The following FBXO31 variants were observed in gnomAD, a reference collection of about 807,000 sequenced individuals.
FBXO31 encodes the protein F-box only protein 31.
Under a neutral mutation model 54.4 loss-of-function variants are expected in FBXO31, and 24 were observed. That is an observed-to-expected ratio of 0.44 (90% CI 0.32 to 0.62). The LOEUF is 0.62. Among genes scored for constraint, FBXO31 ranks in the 20% least tolerant of loss-of-function variants. The probability of loss-of-function intolerance (pLI) is 0.05; values close to 1 mark genes in which losing one functional copy is unlikely to be tolerated. For synonymous variants in FBXO31, 388 were observed against 335.6 expected, an observed-to-expected ratio of 1.16 and a Z score of -1.71; for missense variants, 665 against 787.1, an observed-to-expected ratio of 0.84 and a Z score of 1.86.
At chr16:87,375,223 C>T (rs1906771986) in intron 1 of FBXO31, among the ~76,000 whole-genome samples, 1 of 152,150 alleles carries the variant, frequency 6.6e-6, no homozygotes, top group Non-Finnish European at 1.5e-5. Flanking sequence ...AGGAGAATGG[C>T]GTGAACCCGG....
chr16:87,374,591 C>T (rs1906743446), intron 1 of FBXO31, among the ~76,000 whole-genome samples: 1 of 152,282 alleles, frequency 6.6e-6, no homozygotes, highest in South Asian at 2.1e-4. Context: ...AATTTAGACC[C>T]ACCTTAGGCT....
chr16:87,389,715 T>A (rs1393957765), intron 1 of FBXO31: 1 of 152,182 alleles, frequency 6.6e-6, no homozygotes, highest in Non-Finnish European at 1.5e-5. Flanking sequence ...TGGCAGAAGG[T>A]AGGTACATAA....
chr16:87,377,628 C>A (rs1906881178), intron 1 of FBXO31, among the ~76,000 whole-genome samples: 1 of 151,996 alleles, frequency 6.6e-6, no homozygotes, highest in Non-Finnish European at 1.5e-5. Context: ...GAGTTCAAGA[C>A]CAGCGGGGGC....
chr16:87,352,909 C>T (rs1905727629), intron 2 of FBXO31, among the ~76,000 whole-genome samples: 1 of 152,202 alleles, frequency 6.6e-6, no homozygotes, highest in African/African-American at 2.4e-5. Context: ...TGGTGCACAC[C>T]CATCCTGACT....
At position 87,329,738 on chromosome 16, in the gene FBXO31, A is replaced by T. The variant is rs375675450; in HGVS notation, c.*1550T>A. On this transcript the variant is annotated 3_prime_UTR_variant, in exon 9 of 9. Transcript: ENST00000311635. ...GCCGCCCTGGAAGGGCGCTTTCTCC[A>T]CTGGCTTTTCTCGTGAGTCTTTCTC... 6 of 152,172 alleles carry T rather than the reference A, an allele frequency of 3.9e-5. No individual in the cohort carries two copies. The highest frequency in any genetic ancestry group is 1.2e-4 in the African/African-American group (5 of 41,446). The allele number at this position is 152,172 out of a possible 1,614,324, so 9.4% of individuals were successfully genotyped here. A position where few individuals can be genotyped will look rare whatever the true frequency, so the allele number is the denominator to read the frequency against.
In FBXO31 at chr16:87,383,346, G is replaced by A. The variant is rs1907168969; in HGVS notation, c.340+59C>T. The A allele has an allele frequency of 2.1e-6, 3 of 1,398,954 alleles. No homozygotes were observed. Among genetic ancestry groups the A allele is most frequent in the Non-Finnish European group, 1.9e-6 (2 of 1,038,632 alleles). 86.7% of individuals were successfully genotyped at this position (1,398,954 alleles called of 1,614,324 possible). On this transcript the variant is annotated intron_variant, in intron 1 of 8. Coordinates refer to ENST00000311635, the MANE Select transcript of FBXO31 (RefSeq NM_024735.5). The surrounding 1 kb of genome is among the most constrained non-coding windows in gnomAD (Gnocchi z 4.9). ...CCGCCCCCGCCACTCCCAGCTCCGA[G>A]GCCTCCACCTGGCAGGGACCCCCCG... is the stretch of plus-strand genomic sequence containing the variant.
chr16:87,331,616 A>G (rs2318446), intron 8 of FBXO31, 106 bp from the exon 9 acceptor site: 177,705 of 936,452 alleles, frequency 0.19, 18,488 homozygotes, highest in South Asian at 0.35. Context: ...AGCCACATCC[A>G]CTGTTCATCA....
At chr16:87,381,237 G>A (rs145617590) in intron 1 of FBXO31, among the ~76,000 whole-genome samples, 49 of 151,928 alleles carry the variant, frequency 3.2e-4, no homozygotes, top group African/African-American at 1.2e-3. Context: ...CAATTTGTAA[G>A]ACAAAAATAG....
At chr16:87,362,358 T>C (rs911858201) in intron 1 of FBXO31, among the ~76,000 whole-genome samples, 1 of 152,196 alleles carries the variant, frequency 6.6e-6, no homozygotes, top group Admixed American at 6.5e-5. Context: ...TGTAATGTAG[T>C]GGCTACAGGT....
At chr16:87,383,995 G>A (rs77835171), upstream of FBXO31, 1,353 of 224,780 alleles carry the variant, frequency 6.0e-3, 15 homozygotes, top group African/African-American at 0.028. The surrounding 1 kb of genome is among the most constrained non-coding windows in gnomAD (Gnocchi z 4.9). Flanking sequence ...AAAAGAAAGT[G>A]GTGATGCCGA....
chr16:87,382,405 C>G (rs115566210), intron 1 of FBXO31, among the ~76,000 whole-genome samples: 140 of 152,240 alleles, frequency 9.2e-4, no homozygotes, highest in African/African-American at 3.1e-3. Context: ...TGTTTTCTAA[C>G]CTGTCCTTTT....
chr16:87,352,977 C>T (rs956230040), intron 2 of FBXO31, among the ~76,000 whole-genome samples: 3 of 152,172 alleles, frequency 2.0e-5, no homozygotes, highest in East Asian at 3.9e-4. Context: ...AGGAGACCGG[C>T]GGGGATGGAG....
Position 87,379,732 on chromosome 16 carries a change from C to T in FBXO31, c.340+3673G>A, listed in dbSNP as rs148808002. Reference sequence around the variant, plus strand: ...CCTCCAGAATAGCTGGGATTACAGACGCCCACCACCACACCCAGCTAATTT... The same window carrying T: ...CCTCCAGAATAGCTGGGATTACAGATGCCCACCACCACACCCAGCTAATTT... On this transcript the variant is annotated intron_variant, in intron 1 of 8. Transcript: ENST00000311635. Among the ~76,000 whole-genome samples the T allele has an allele frequency of 9.9e-3, 1,498 of 151,922 alleles. 23 individuals carry two copies. The highest frequency in any genetic ancestry group is 0.033 in the African/African-American group (1,376 of 41,436).
intron 1 of FBXO31, among the ~76,000 whole-genome samples, chr16:87,382,886 T>A (rs1158515488): frequency 6.6e-6 from 1 of 152,174 alleles, no homozygotes; most frequent in Non-Finnish European, 1.5e-5. Flanking sequence ...CCCGCCCGCC[T>A]CGGCCTCCCT....
At chr16:87,391,383 A>C (rs1240766086), upstream of FBXO31, among the ~76,000 whole-genome samples, 1 of 152,208 alleles carries the variant, frequency 6.6e-6, no homozygotes, top group African/African-American at 2.4e-5. Context: ...ATAGCAACCA[A>C]ATATCGCATG....
chr16:87,382,818 T>C (rs1907141399), intron 1 of FBXO31, among the ~76,000 whole-genome samples: 1 of 152,142 alleles, frequency 6.6e-6, no homozygotes, highest in South Asian at 2.1e-4. Context: ...TTTTTGTAAG[T>C]AGAGACGGGG....
chr16:87,387,236 A>G (rs117550617), upstream of FBXO31, among the ~76,000 whole-genome samples: 1,775 of 152,270 alleles, frequency 0.012, 9 homozygotes, highest in Non-Finnish European at 0.018. Context: ...AAACTACTAC[A>G]CATTGAATCC....
intron 1 of FBXO31, among the ~76,000 whole-genome samples, chr16:87,379,639 T>C (rs886375008): frequency 1.3e-5 from 2 of 152,186 alleles, no homozygotes; most frequent in Non-Finnish European, 2.9e-5. Flanking sequence ...TGCATACCTG[T>C]GTCTGAGTAC....
intron 1 of FBXO31, among the ~76,000 whole-genome samples, chr16:87,371,305 C>T (rs147921920): frequency 2.0e-5 from 3 of 152,308 alleles, no homozygotes; most frequent in Admixed American, 6.5e-5. Context: ...CCAGGACTTC[C>T]GCCCCTCCTC....
Sources: allele counts gnomAD v4.1 joint callset (sites outside exome capture counted in the v4.1 genomes callset), GRCh38; gene constraint gnomAD v4.1.1; non-coding constraint Gnocchi (gnomAD v3.1); transcripts MANE v1.5; gene names NCBI Gene and HGNC (gene_info 2026-07-23, HGNC 2026-07-21).